DNAH11: variants seen among roughly 807,000 people sequenced by gnomAD.
The protein encoded by DNAH11 is dynein axonemal heavy chain 11.
DNAH11 carries 442 observed loss-of-function variants against 526.0 expected under a neutral mutation model. The observed-to-expected ratio is 0.84, with a 90% CI of 0.78 to 0.91. The LOEUF is 0.91. Ranked by LOEUF, DNAH11 falls within the 40% of genes least tolerant of loss-of-function variation. DNAH11 has a pLI of 0.00. For missense variants in DNAH11, 6,989 were observed against 5,448.7 expected (o/e 1.28, Z -8.90); for synonymous variants, 2,461 against 1,935.9 (o/e 1.27, Z -7.12).
At chr7:21,883,468 C>A (rs1368554901) in intron 75 of DNAH11, among the ~76,000 whole-genome samples, 2 of 152,318 alleles carry the variant, frequency 1.3e-5, no homozygotes, top group Non-Finnish European at 2.9e-5. Flanking sequence ...GCCAGTCATG[C>A]CGTAAGACAA....
chr7:21,661,170 C>T (rs941687367), intron 30 of DNAH11, among the ~76,000 whole-genome samples: 3 of 152,060 alleles, frequency 2.0e-5, no homozygotes, highest in South Asian at 2.1e-4. Flanking sequence ...TCATTTAAAC[C>T]TTATTTTTTT....
intron 30 of DNAH11, among the ~76,000 whole-genome samples, chr7:21,677,346 T>G (rs1372861789): frequency 6.6e-6 from 1 of 152,134 alleles, no homozygotes; most frequent in Non-Finnish European, 1.5e-5. Flanking sequence ...TTTAATTTTT[T>G]TATTATTGTA....
rs754368546 is a variant in DNAH11, at chr7:21,735,741, G to A, written c.7542G>A (p.Val2514=). The change falls in exon 46 of 82, where the codon GTG becomes GTA. Residue 2514 remains valine (V), a synonymous_variant. Coordinates refer to ENST00000409508, the MANE Select transcript of DNAH11 (RefSeq NM_001277115.2). Reference sequence around the variant, plus strand: ...TAATGCTAGTAGGAAATGCAGGAGTGGGAAAAACAGTCTTTGTAGGTGACA... The same window carrying A: ...TAATGCTAGTAGGAAATGCAGGAGTAGGAAAAACAGTCTTTGTAGGTGACA... ...KPLMLVGNAG[V]GKTVFVGDTL... 1.9e-5 allele frequency: 31 copies of A among 1,613,816 alleles called. No homozygotes were observed. The South Asian group carries it at 2.9e-4, about 15-fold the overall frequency.
chr7:21,795,403 A>G (rs1185668928), intron 61 of DNAH11, among the ~76,000 whole-genome samples: 4 of 152,258 alleles, frequency 2.6e-5, no homozygotes, highest in East Asian at 3.9e-4. Context: ...CCTTGGAGAA[A>G]ATACTTGATC....
chr7:21,547,172 T>G (rs1354473803), intron 2 of DNAH11, among the ~76,000 whole-genome samples: 1 of 152,262 alleles, frequency 6.6e-6, no homozygotes, highest in Non-Finnish European at 1.5e-5. Flanking sequence ...TCTATTTGTT[T>G]TAAACGATAT....
intron 28 of DNAH11, among the ~76,000 whole-genome samples, chr7:21,643,986 A>G (rs542099756): frequency 6.6e-6 from 1 of 152,292 alleles, no homozygotes; most frequent in East Asian, 1.9e-4. Flanking sequence ...CTGTAAAATG[A>G]CAAGATACAT....
At chr7:21,890,720 C>T (rs1026662304) in intron 76 of DNAH11, among the ~76,000 whole-genome samples, 7 of 152,078 alleles carry the variant, frequency 4.6e-5, no homozygotes, top group African/African-American at 1.7e-4. Context: ...ATTTTGGTCG[C>T]CCTGAGCCAG....
chr7:21,734,274 A>G (rs558306864), intron 45 of DNAH11, among the ~76,000 whole-genome samples: 49 of 152,354 alleles, frequency 3.2e-4, no homozygotes, highest in Admixed American at 2.7e-3. Context: ...GACATTATAC[A>G]TGTAAAGTGC....
At chr7:21,667,346 A>G (rs971778729) in intron 30 of DNAH11, among the ~76,000 whole-genome samples, 3 of 152,030 alleles carry the variant, frequency 2.0e-5, no homozygotes, top group Admixed American at 1.3e-4. Context: ...GGTAGTAATT[A>G]TTTTGTCTTT....
chr7:21,649,560 C>T (rs1241434176), intron 28 of DNAH11, among the ~76,000 whole-genome samples: 1 of 151,952 alleles, frequency 6.6e-6, no homozygotes, highest in Non-Finnish European at 1.5e-5. Context: ...AGAGTACGTA[C>T]TATGTGAATT....
intron 30 of DNAH11, among the ~76,000 whole-genome samples, chr7:21,660,187 A>C (rs746111818): frequency 5.9e-5 from 9 of 152,084 alleles, no homozygotes; most frequent in Non-Finnish European, 1.0e-4. Flanking sequence ...GAGATAATTA[A>C]ATGCAATTCT....
At chr7:21,705,305 T>C (rs1236202321) in intron 38 of DNAH11, among the ~76,000 whole-genome samples, 155 bp from the exon 39 acceptor site, 1 of 152,180 alleles carries the variant, frequency 6.6e-6, no homozygotes, top group Non-Finnish European at 1.5e-5. Flanking sequence ...AAACTATACT[T>C]TTCACTTATG....
rs1469204894 is a variant in DNAH11 at position 21,637,470 on chromosome 7, A to G, written c.4726-141A>G. On this transcript the variant is annotated intron_variant, in intron 26 of 81. Coordinates refer to ENST00000409508, the MANE Select transcript of DNAH11 (RefSeq NM_001277115.2). ...AGAGTTGAAAAGCAAAAGTAAACAG[A>G]TGTGGTGTCAGACATTCTTAGAAGT... 7 of 640,752 alleles carry G rather than the reference A, an allele frequency of 1.1e-5. No individual in the cohort carries two copies. The East Asian group carries it at 1.1e-4, about 10-fold the overall frequency. 39.7% of individuals were successfully genotyped at this position (640,752 alleles called of 1,614,324 possible).
At chr7:21,553,643 C>A (rs1429501742) in intron 2 of DNAH11, among the ~76,000 whole-genome samples, 1 of 152,180 alleles carries the variant, frequency 6.6e-6, no homozygotes, top group African/African-American at 2.4e-5. Context: ...TTTTAAAATG[C>A]CCTGGCTTTA....
rs150903184 is a variant in DNAH11, at chr7:21,800,650, A to C, written c.10027-487A>C. Among the ~76,000 whole-genome samples the C allele has an allele frequency of 5.1e-3, 772 of 152,192 alleles. 11 individuals carry two copies. The highest frequency in any genetic ancestry group is 0.018 in the African/African-American group (734 of 41,516). Reference sequence around the variant, plus strand: ...ATTCCAAAAAAAATGAAAAAGAAAAATCCGATTGGCGAAGCTGGGTCTAAA... The same window carrying C: ...ATTCCAAAAAAAATGAAAAAGAAAACTCCGATTGGCGAAGCTGGGTCTAAA... On this transcript the variant is annotated intron_variant, in intron 61 of 81. Transcript: ENST00000409508.
At position 21,773,961 on chromosome 7, in the gene DNAH11, G is replaced by C; in HGVS notation, c.9298G>C (p.Val3100Leu). ...NEVSEKKERL[V>L]NGIQKLKTTA... ...GGTATCCGAGAAAAAAGAACGCCTG[G>C]TGAACGGCATCCAAAAGCTAAAAAC... The change falls in exon 56 of 82, where the codon GTG becomes CTG. Residue 3100 changes from valine to leucine, a missense_variant. Transcript: ENST00000409508. 1 of 1,579,148 alleles carries C rather than the reference G, an allele frequency of 6.3e-7. No individual in the cohort carries two copies. The highest frequency in any genetic ancestry group is 8.6e-7 in the Non-Finnish European group (1 of 1,162,830).
intron 8 of DNAH11, among the ~76,000 whole-genome samples, chr7:21,573,101 G>A (rs1783957510): frequency 6.6e-6 from 1 of 152,166 alleles, no homozygotes; most frequent in East Asian, 1.9e-4. Flanking sequence ...TACAAAAACT[G>A]GCAAGTTTTC....
intron 76 of DNAH11, 89 bp downstream of exon 76, chr7:21,884,499 A>AT: frequency 7.5e-7 from 1 of 1,330,500 alleles, no homozygotes; most frequent in Non-Finnish European, 1.0e-6. Context: ...ACTATGGGCA[A>AT]TTCTTAATGT....
chr7:21,860,098 G>A (rs1055682724), intron 68 of DNAH11, among the ~76,000 whole-genome samples: 11 of 152,062 alleles, frequency 7.2e-5, no homozygotes, highest in South Asian at 2.1e-4. Flanking sequence ...GCTTAGGACC[G>A]GGAGGTTGAG....
Sources: gnomAD v4.1 joint callset for allele counts (sites outside exome capture counted in the v4.1 genomes callset) on GRCh38, gnomAD v4.1.1 for gene constraint, MANE v1.5 for transcripts, NCBI Gene and HGNC (gene_info 2026-07-23, HGNC 2026-07-21) for gene names.